Variants in ABTB2 observed in about 807,000 individuals in gnomAD.
The protein encoded by ABTB2 is ankyrin repeat and BTB/POZ domain-containing protein 2.
A neutral mutation model predicts 104.1 loss-of-function variants in ABTB2; 56 were observed. That is an observed-to-expected ratio of 0.54 (90% CI 0.43 to 0.67). The LOEUF is 0.67. Among genes scored for constraint, ABTB2 ranks in the 30% least tolerant of loss-of-function variants. ABTB2 has a pLI of 0.00. For synonymous variants in ABTB2, 606 were observed against 608.2 expected, an observed-to-expected ratio of 1.00 and a Z score of 0.05; for missense variants, 1,279 against 1,407.7, an observed-to-expected ratio of 0.91 and a Z score of 1.46.
At chr11:34,328,544 A>T (rs1191228796) in intron 1 of ABTB2, among the ~76,000 whole-genome samples, 1 of 152,210 alleles carries the variant, frequency 6.6e-6, no homozygotes, top group Non-Finnish European at 1.5e-5. Flanking sequence ...TTAGCACTGT[A>T]CCTGAGCTAG....
chr11:34,301,430 A>T (rs538396231), intron 1 of ABTB2, among the ~76,000 whole-genome samples: 20 of 152,350 alleles, frequency 1.3e-4, no homozygotes, highest in Non-Finnish European at 2.5e-4. Context: ...AAATCGATGA[A>T]TATGTAATTT....
At chr11:34,158,072 A>G (rs1852653962) in intron 14 of ABTB2, among the ~76,000 whole-genome samples, 1 of 152,210 alleles carries the variant, frequency 6.6e-6, no homozygotes, top group Admixed American at 6.5e-5. Flanking sequence ...AAGCACTTAG[A>G]ACCCTGCCTG....
At position 34,197,501 on chromosome 11, in the gene ABTB2, C is replaced by T. The variant is rs763085591; in HGVS notation, c.1068G>A (p.Gly356=). 2.7e-5 allele frequency: 42 copies of T among 1,580,812 alleles called. No individual in the cohort carries two copies. Among genetic ancestry groups the T allele is most frequent in the East Asian group, 4.5e-5 (2 of 44,586 alleles). Residue 356 remains glycine, a synonymous_variant, in exon 3 of 17, where the codon GGG becomes GGA. Coordinates refer to ENST00000435224, the MANE Select transcript of ABTB2 (RefSeq NM_145804.3). ...TGGCACCCGGGCACAGGGGGTGACGCCCCTGCATGTGGTGCATGGCACGGG... is the reference window on the plus strand; with the variant it reads ...TGGCACCCGGGCACAGGGGGTGACGTCCCTGCATGTGGTGCATGGCACGGG... The part of the protein sequence containing the change: ...LVSRAMHHMQ[G]RHPLCPGASP...
At chr11:34,347,452 A>T (rs986752597) in intron 1 of ABTB2, among the ~76,000 whole-genome samples, 7 of 152,164 alleles carry the variant, frequency 4.6e-5, no homozygotes, top group African/African-American at 1.7e-4. Context: ...ATAATAATAA[A>T]AATAAAGAAA....
chr11:34,308,737 G>A (rs1854808552), intron 1 of ABTB2, among the ~76,000 whole-genome samples: 1 of 151,952 alleles, frequency 6.6e-6, no homozygotes, highest in Admixed American at 6.6e-5. Flanking sequence ...GGGCGTGGGT[G>A]GCAGGCGCCT....
chr11:34,301,034 C>T (rs986252880), intron 1 of ABTB2, among the ~76,000 whole-genome samples: 5 of 152,176 alleles, frequency 3.3e-5, no homozygotes, highest in African/African-American at 1.2e-4. Flanking sequence ...CTGGGGGAAG[C>T]AGAGGATAAG....
At chr11:34,231,576 G>GT (rs2133057218) in intron 1 of ABTB2, among the ~76,000 whole-genome samples, 1 of 152,184 alleles carries the variant, frequency 6.6e-6, no homozygotes, top group East Asian at 1.9e-4. Context: ...TCTTATTCTT[G>GT]TTTTTTTCTC....
At chr11:34,248,725 A>G (rs1455626587) in intron 1 of ABTB2, among the ~76,000 whole-genome samples, 1 of 152,244 alleles carries the variant, frequency 6.6e-6, no homozygotes, top group Non-Finnish European at 1.5e-5. Flanking sequence ...ACAAACATAC[A>G]ACTTTTCAAA....
chr11:34,248,659 C>T (rs1190209507), intron 1 of ABTB2, among the ~76,000 whole-genome samples: 4 of 152,178 alleles, frequency 2.6e-5, no homozygotes, highest in Admixed American at 2.0e-4. Context: ...CCCTCAGCTT[C>T]CTTAAGAACG....
chr11:34,222,581 ATC>A (rs71041906), intron 1 of ABTB2, among the ~76,000 whole-genome samples: 2,483 of 152,330 alleles, frequency 0.016, 31 homozygotes, highest in Middle Eastern at 0.037. Context: ...CTCCAGCTTA[ATC>A]TTAATTTGAA....
intron 1 of ABTB2, among the ~76,000 whole-genome samples, chr11:34,218,650 G>C (rs551963788): frequency 2.8e-4 from 43 of 152,052 alleles, no homozygotes; most frequent in South Asian, 2.5e-3. Context: ...GGGAGTTCCA[G>C]ACCAGCCTGA....
intron 1 of ABTB2, among the ~76,000 whole-genome samples, chr11:34,270,270 G>C (rs566529602): frequency 1.3e-5 from 2 of 152,082 alleles, no homozygotes; most frequent in South Asian, 4.2e-4. Context: ...TTCCTGCATG[G>C]TTTCAGGATC....
Position 34,170,943 on chromosome 11 carries a change from G to A in ABTB2, c.1526C>T (p.Ala509Val). The change falls in exon 5 of 17, where the codon GCC (alanine) becomes GTC (valine). Residue 509 changes from alanine (A) to valine (V), a missense_variant. Coordinates refer to ENST00000435224, the MANE Select transcript of ABTB2 (RefSeq NM_145804.3). Reference sequence around the variant, plus strand: ...GGTGTTAACCCCATCCGGACCCAAGGCCTCGATGGCTTGGTTGATGAGGTC... The same window carrying A: ...GGTGTTAACCCCATCCGGACCCAAGACCTCGATGGCTTGGTTGATGAGGTC... The part of the protein sequence containing the change: ...RTDLINQAIE[A>V]LGPDGVNTMD... 6.2e-7 allele frequency: 1 copy of A among 1,614,176 alleles called. No homozygotes were observed. The highest frequency in any genetic ancestry group is 8.5e-7 in the Non-Finnish European group (1 of 1,180,030).
chr11:34,176,493 G>A (rs2133020634), intron 3 of ABTB2, among the ~76,000 whole-genome samples: 1 of 152,100 alleles, frequency 6.6e-6, no homozygotes, highest in African/African-American at 2.4e-5. Context: ...AATGTTCACT[G>A]AAGCCAGGCC....
chr11:34,244,022 A>G (rs1211988414), intron 1 of ABTB2, among the ~76,000 whole-genome samples: 1 of 152,196 alleles, frequency 6.6e-6, no homozygotes, highest in Non-Finnish European at 1.5e-5. Context: ...CCCCCGCTGA[A>G]ATTCACAAAC....
At chr11:34,313,565 T>C (rs547419733) in intron 1 of ABTB2, among the ~76,000 whole-genome samples, 1 of 152,272 alleles carries the variant, frequency 6.6e-6, no homozygotes, top group South Asian at 2.1e-4. Context: ...CCCAGACCAT[T>C]GGACAAGGAG....
intron 1 of ABTB2, among the ~76,000 whole-genome samples, chr11:34,345,276 C>A (rs1246527781): frequency 6.6e-6 from 1 of 152,154 alleles, no homozygotes; most frequent in Admixed American, 6.5e-5. Flanking sequence ...TTGAACCCAC[C>A]AGGAATGCTT....
intron 3 of ABTB2, among the ~76,000 whole-genome samples, chr11:34,178,615 C>T (rs75017569): frequency 0.018 from 2,797 of 152,306 alleles, 89 homozygotes; most frequent in African/African-American, 0.064. Context: ...TTGGTCGTTC[C>T]GTGCCCGAAT....
chr11:34,187,583 G>A (rs1193567516), intron 3 of ABTB2, among the ~76,000 whole-genome samples: 3 of 149,940 alleles, frequency 2.0e-5, no homozygotes, highest in Non-Finnish European at 3.0e-5. Flanking sequence ...CAGCAGTCTT[G>A]AACTCTTGGG....
Sources: gnomAD v4.1 joint callset for allele counts (sites outside exome capture counted in the v4.1 genomes callset) on GRCh38, gnomAD v4.1.1 for gene constraint, MANE v1.5 for transcripts, NCBI Gene and HGNC (gene_info 2026-07-23, HGNC 2026-07-21) for gene names.